The following RASGRF2 variants were observed in gnomAD, a reference collection of about 807,000 sequenced individuals.
RASGRF2 encodes the protein Ras protein specific guanine nucleotide releasing factor 2.
RASGRF2 carries 76 observed loss-of-function variants against 151.0 expected under a neutral mutation model. That is an observed-to-expected ratio of 0.50 (90% CI 0.42 to 0.61). The LOEUF is 0.61. Ranked by LOEUF, RASGRF2 falls within the 20% of genes least tolerant of loss-of-function variation. The pLI is 0.00. For synonymous variants in RASGRF2, 504 were observed against 566.5 expected (o/e 0.89, Z 1.57); for missense variants, 1,148 against 1,564.6 (o/e 0.73, Z 4.49).
intron 1 of RASGRF2, among the ~76,000 whole-genome samples, chr5:80,986,521 A>G (rs528985263): frequency 2.6e-5 from 4 of 152,356 alleles, no homozygotes; most frequent in Admixed American, 2.0e-4. Flanking sequence ...AAAGAAGGAA[A>G]GTAGGAGAGG....
At position 81,156,736 on chromosome 5, in the gene RASGRF2, G is replaced by T. The variant is rs538583399; in HGVS notation, c.2687-23439G>T. Among the ~76,000 whole-genome samples the T allele has an allele frequency of 4.6e-5, 7 of 152,288 alleles. No individual in the cohort carries two copies. In the South Asian group the frequency reaches 1.5e-3, roughly 32 times the overall value. ...TTAACATACATAGTGGTGAAAGACT[G>T]AATGCTTTCCTCCTGATGTAAAGAA... On this transcript the variant is annotated intron_variant, in intron 17 of 26. Coordinates refer to ENST00000265080, the MANE Select transcript of RASGRF2 (RefSeq NM_006909.3).
intron 17 of RASGRF2, among the ~76,000 whole-genome samples, chr5:81,166,332 C>T (rs921419793): frequency 1.3e-5 from 2 of 151,950 alleles, no homozygotes; most frequent in Admixed American, 6.6e-5. Flanking sequence ...AATTTACAGG[C>T]GCGTGCCACG....
chr5:81,112,708 G>A lies in RASGRF2; in HGVS notation c.1937G>A (p.Arg646His), dbSNP rs1383240136. 8 of 1,614,060 alleles carry A rather than the reference G, an allele frequency of 5.0e-6. No individual in the cohort carries two copies. The highest frequency in any genetic ancestry group is 2.7e-5 in the African/African-American group (2 of 74,916). Residue 646 changes from arginine to histidine, a missense_variant, in exon 14 of 27, where the codon CGC becomes CAC. Around this residue, in one of 5 missense-constraint regions of RASGRF2, gnomAD observed 646 missense variants for 807.4 expected, o/e 0.80. Coordinates refer to ENST00000265080, the MANE Select transcript of RASGRF2 (RefSeq NM_006909.3). Reference protein sequence around the residue: ...VPQIRYASVERLLERLTDLRF... With the variant: ...VPQIRYASVEHLLERLTDLRF... ...CAGATCCGTTATGCCAGCGTGGAGC[G>A]CCTCTTGGAACGACTGACAGACTTG...
intron 13 of RASGRF2, among the ~76,000 whole-genome samples, chr5:81,112,050 G>A (rs1158444439): frequency 5.3e-5 from 8 of 152,112 alleles, no homozygotes. Context: ...TTAGAGAGAA[G>A]GAATCCACAG....
intron 1 of RASGRF2, among the ~76,000 whole-genome samples, chr5:80,970,463 CTCT>C (rs1429767699): frequency 1.3e-5 from 2 of 152,154 alleles, no homozygotes; most frequent in Non-Finnish European, 2.9e-5. Context: ...GGGGACTTAG[CTCT>C]TCTTTGGATA....
intron 21 of RASGRF2, among the ~76,000 whole-genome samples, chr5:81,208,104 T>C (rs1755550229): frequency 6.6e-6 from 1 of 152,216 alleles, no homozygotes; most frequent in Non-Finnish European, 1.5e-5. Context: ...TATAGGATCC[T>C]AATAGGGACA....
At chr5:81,042,850 G>A (rs1390288258) in intron 1 of RASGRF2, 27 bp from the exon 2 acceptor site, 3 of 1,523,914 alleles carry the variant, frequency 2.0e-6, no homozygotes, top group East Asian at 4.6e-5. Context: ...ATAGAACTAA[G>A]TTTTTTGTGT....
Position 81,112,775 on chromosome 5 carries a change from C to G in RASGRF2, c.2004C>G (p.Thr668=). Residue 668 remains threonine (T), a synonymous_variant, in exon 14 of 27, where the codon ACC becomes ACG. Coordinates refer to ENST00000265080, the MANE Select transcript of RASGRF2 (RefSeq NM_006909.3). ...ATTTCCTCAACACCTTTCTGCACAC[C>G]TATCGTATTTTCACTACTGCCGCTG... ...SIDFLNTFLH[T]YRIFTTAAVV... 6.2e-7 allele frequency: 1 copy of G among 1,614,228 alleles called. No homozygotes were observed. The highest frequency in any genetic ancestry group is 1.1e-5 in the South Asian group (1 of 91,082).
intron 26 of RASGRF2, among the ~76,000 whole-genome samples, chr5:81,222,916 A>C (rs560264967): frequency 6.6e-6 from 1 of 152,368 alleles, no homozygotes; most frequent in African/African-American, 2.4e-5. Context: ...AAAAACTGAT[A>C]AATTACTAAA....
intron 1 of RASGRF2, among the ~76,000 whole-genome samples, chr5:81,026,040 TTCCTTCCATCCTTCCC>T (rs70994418): frequency 0.5 from 65,129 of 130,708 alleles, 16,192 homozygotes; most frequent in Middle Eastern, 0.69. Flanking sequence ...CCTTCCCTCC[TTCCTTCCATCCTTCCC>T]TTCTTCTCCT....
chr5:81,020,976 GCATCAGGATTCA>G (rs1347679863), intron 1 of RASGRF2, among the ~76,000 whole-genome samples: 2 of 152,168 alleles, frequency 1.3e-5, no homozygotes, highest in African/African-American at 2.4e-5. Flanking sequence ...CCACCTGGAG[GCATCAGGATTCA>G]CATACCGATG....
At chr5:81,081,232 C>T (rs1292096849) in intron 7 of RASGRF2, among the ~76,000 whole-genome samples, 1 of 152,162 alleles carries the variant, frequency 6.6e-6, no homozygotes, top group African/African-American at 2.4e-5. Flanking sequence ...AGCCCATCCT[C>T]CCTTCCTGTC....
rs1755757792 is a variant in RASGRF2 at position 81,217,221 on chromosome 5, C to A, written c.3435-135C>A. On this transcript the variant is annotated intron_variant, in intron 24 of 26. Transcript: ENST00000265080. ...TAAAATTCTGCGTATTATGAATATG[C>A]TTCTGAAACTGAAATAAAAAGGTTT... The A allele has an allele frequency of 4.6e-6, 6 of 1,309,282 alleles. No homozygotes were observed. The East Asian group carries it at 7.5e-5, about 16-fold the overall frequency. 81.1% of individuals were successfully genotyped at this position (1,309,282 alleles called of 1,614,324 possible). A position where few individuals can be genotyped will look rare whatever the true frequency, so the allele number is the denominator to read the frequency against.
intron 1 of RASGRF2, among the ~76,000 whole-genome samples, chr5:80,984,100 G>T (rs1432291370): frequency 6.6e-6 from 1 of 152,040 alleles, no homozygotes; most frequent in Non-Finnish European, 1.5e-5. Flanking sequence ...TTGTGCTGTT[G>T]GGCAGGCTGG....
chr5:81,172,426 A>G (rs1754677025), intron 17 of RASGRF2, among the ~76,000 whole-genome samples: 1 of 131,550 alleles, frequency 7.6e-6, no homozygotes, highest in Non-Finnish European at 1.6e-5. Flanking sequence ...CTCGTCTACA[A>G]GGATGTGCGT....
intron 3 of RASGRF2, among the ~76,000 whole-genome samples, chr5:81,068,380 G>T (rs1365828829): frequency 7.6e-6 from 1 of 132,280 alleles, no homozygotes; most frequent in East Asian, 2.1e-4. Context: ...GAACATATCA[G>T]GATAATGTGC....
chr5:81,120,090 T>A (rs1025940552), intron 15 of RASGRF2, among the ~76,000 whole-genome samples: 1 of 152,182 alleles, frequency 6.6e-6, no homozygotes, highest in African/African-American at 2.4e-5. Context: ...CACCACCTAA[T>A]GCATCCCCCT....
chr5:81,014,617 A>T (rs752421265), intron 1 of RASGRF2, among the ~76,000 whole-genome samples: 61 of 152,178 alleles, frequency 4.0e-4, no homozygotes, highest in Non-Finnish European at 8.2e-4. Context: ...CAAACCCTGT[A>T]TTCCCTGTGG....
intron 6 of RASGRF2, 93 bp downstream of exon 6, chr5:81,080,293 CA>C: frequency 1.3e-6 from 2 of 1,533,932 alleles, no homozygotes; most frequent in Non-Finnish European, 1.7e-6. Flanking sequence ...AAACTGTTTG[CA>C]TCACCCTGTT....
Sources: gnomAD v4.1 joint callset for allele counts (sites outside exome capture counted in the v4.1 genomes callset) on GRCh38, gnomAD v4.1.1 for gene constraint, gnomAD v4.1.1 regional missense constraint, MANE v1.5 for transcripts, NCBI Gene and HGNC (gene_info 2026-07-23, HGNC 2026-07-21) for gene names.